The following ENDOU variants were observed in gnomAD, a reference collection of about 807,000 sequenced individuals.
ENDOU encodes endonuclease, poly(U) specific, also known as uridylate-specific endoribonuclease.
A neutral mutation model predicts 54.2 loss-of-function variants in ENDOU; 49 were observed. The observed-to-expected ratio is 0.90, with a 90% CI of 0.72 to 1.15. The LOEUF is 1.15. Ranked by LOEUF, ENDOU falls within the 50% of genes most tolerant of loss-of-function variation. ENDOU has a pLI of 0.00. For synonymous variants in ENDOU, 172 were observed against 190.5 expected, an observed-to-expected ratio of 0.90 and a Z score of 0.80; for missense variants, 458 against 511.4, an observed-to-expected ratio of 0.90 and a Z score of 1.01.
At chr12:47,717,171 AG>A (rs895848322) in intron 4 of ENDOU, 113 bp from the exon 5 acceptor site, 6 of 817,064 alleles carry the variant, frequency 7.3e-6, no homozygotes, top group African/African-American at 6.8e-5. Context: ...GCAAGGAGGG[AG>A]GGGGGCCACA....
intron 1 of ENDOU, among the ~76,000 whole-genome samples, chr12:47,721,964 G>A (rs1405652469): frequency 6.6e-6 from 1 of 152,206 alleles, no homozygotes; most frequent in African/African-American, 2.4e-5. Context: ...CAGGGTTGGG[G>A]TTAGTTAGGT....
chr12:47,725,420 C>G lies in ENDOU; in HGVS notation c.-7G>C. ...GGGAGATGCAGGCCCTCATGGTGCC[C>G]AGTTGGAGGCCAAAAAGGGAGTGGC... On this transcript the variant is annotated 5_prime_UTR_variant, in exon 1 of 10. Coordinates refer to ENST00000422538, the MANE Select transcript of ENDOU (RefSeq NM_001172439.2). 1 of 1,614,024 alleles carries G rather than the reference C, an allele frequency of 6.2e-7. No individual in the cohort carries two copies.
intron 1 of ENDOU, among the ~76,000 whole-genome samples, chr12:47,722,498 G>C (rs907594749): frequency 1.3e-5 from 2 of 152,194 alleles, no homozygotes; most frequent in Non-Finnish European, 2.9e-5. Context: ...AAAGCACTTA[G>C]GACAGCAAGT....
chr12:47,722,852 C>T (rs1940476169), intron 1 of ENDOU, among the ~76,000 whole-genome samples: 1 of 152,202 alleles, frequency 6.6e-6, no homozygotes, highest in Admixed American at 6.5e-5. Flanking sequence ...GGTTTCCAGT[C>T]CCTAAAAGAG....
At chr12:47,713,163 C>T in intron 7 of ENDOU, 112 bp downstream of exon 7, 1 of 764,300 alleles carries the variant, frequency 1.3e-6, no homozygotes, top group Non-Finnish European at 2.3e-6. Context: ...GGGTCCCTCC[C>T]TACTAGCTGG....
chr12:47,713,395 A>C lies in ENDOU; in HGVS notation c.752-7T>G, dbSNP rs771154349. ...TGCTCTGAGCCATAGCGATCTGCAG[A>C]GGAACACAAAGGGTTTTGGAGAGGG... On this transcript the variant is annotated splice_polypyrimidine_tract_variant and splice_region_variant and intron_variant, in intron 6 of 9. Coordinates refer to ENST00000422538, the MANE Select transcript of ENDOU (RefSeq NM_001172439.2). 5.0e-5 allele frequency: 81 copies of C among 1,608,066 alleles called. No homozygotes were observed. The highest frequency in any genetic ancestry group is 6.8e-5 in the Non-Finnish European group (80 of 1,174,670).
rs1038262344 is a variant in ENDOU, at chr12:47,720,734, G to C, written c.178+19C>G. ...CCTTAGACAGGCTGGACATGCCTTC[G>C]TCTCACAAGGAGGCTCACCAGTACA... On this transcript the variant is annotated intron_variant, in intron 2 of 9. Coordinates refer to ENST00000422538, the MANE Select transcript of ENDOU (RefSeq NM_001172439.2). 1 of 1,535,292 alleles carries C rather than the reference G, an allele frequency of 6.5e-7. No homozygotes were observed. The highest frequency in any genetic ancestry group is 8.7e-7 in the Non-Finnish European group (1 of 1,146,514).
intron 5 of ENDOU, 30 bp downstream of exon 5, chr12:47,716,860 G>T (rs187595330): frequency 1.9e-6 from 3 of 1,611,568 alleles, no homozygotes; most frequent in Non-Finnish European, 2.5e-6. Context: ...CAAGATTTAG[G>T]GGGTAGAAAG....
chr12:47,718,271 C>T (rs535704998), intron 2 of ENDOU, 77 bp from the exon 3 acceptor site: 7 of 1,383,930 alleles, frequency 5.1e-6, no homozygotes, highest in South Asian at 5.0e-5. Context: ...TCTCTGTTTC[C>T]CCAGCCTCAG....
Position 47,710,169 on chromosome 12 carries a change from C to G in ENDOU, c.*633G>C, listed in dbSNP as rs1939933707. Reference sequence around the variant, plus strand: ...CACTGCACCAACCTATTACCCTTCTCCATTCAGCATTGGAGTTCTCCCAGA... The same window carrying G: ...CACTGCACCAACCTATTACCCTTCTGCATTCAGCATTGGAGTTCTCCCAGA... On this transcript the variant is annotated 3_prime_UTR_variant, in exon 10 of 10. Transcript: ENST00000422538. The G allele has an allele frequency of 6.6e-6, 1 of 152,260 alleles. No homozygotes were observed. The highest frequency in any genetic ancestry group is 1.5e-5 in the Non-Finnish European group (1 of 68,104). The allele number at this position is 152,260 out of a possible 1,614,324, so 9.4% of individuals were successfully genotyped here.
rs919250116 is a variant in ENDOU, at chr12:47,718,053, A to G, written c.244+76T>C. ...GAGGCCTGGGCCTGGTGCCACTGCC[A>G]TGGCCGCCCCTGCTTGTCACCCTCA... On this transcript the variant is annotated intron_variant, in intron 3 of 9. Transcript: ENST00000422538. The G allele has an allele frequency of 1.4e-5, 18 of 1,313,036 alleles. No homozygotes were observed. In the South Asian group the frequency reaches 1.6e-4, roughly 12 times the overall value. The allele number at this position is 1,313,036 out of a possible 1,614,324, so 81.3% of individuals were successfully genotyped here.
Position 47,711,630 on chromosome 12 carries a change from T to C in ENDOU, c.1115+3A>G, listed in dbSNP as rs1236015942. 2.5e-6 allele frequency: 4 copies of C among 1,612,920 alleles called. No homozygotes were observed. The highest frequency in any genetic ancestry group is 3.4e-6 in the Non-Finnish European group (4 of 1,179,692). On this transcript the variant is annotated splice_donor_region_variant and intron_variant, in intron 9 of 9. Coordinates refer to ENST00000422538, the MANE Select transcript of ENDOU (RefSeq NM_001172439.2). ...CCCCAGGCCTGGCTGGCCCCATTCT[T>C]ACACTTTGCCTGGCCTGGCGATGAA...
chr12:47,712,756 A>T, intron 7 of ENDOU, 134 bp from the exon 8 acceptor site: 3 of 655,982 alleles, frequency 4.6e-6, no homozygotes, highest in Non-Finnish European at 5.3e-6. Flanking sequence ...CCTTGCTGTG[A>T]GTCCCCAGAG....
chr12:47,724,023 C>T (rs1162955833), intron 1 of ENDOU, among the ~76,000 whole-genome samples: 1 of 152,188 alleles, frequency 6.6e-6, no homozygotes, highest in Admixed American at 6.5e-5. Context: ...ACCTCACTTC[C>T]CCATCGATCC....
intron 9 of ENDOU, 25 bp downstream of exon 9, chr12:47,711,608 C>A: frequency 6.2e-7 from 1 of 1,608,386 alleles, no homozygotes; most frequent in Non-Finnish European, 8.5e-7. Flanking sequence ...AGTCTGCCCC[C>A]AGGCCTGGCT....
chr12:47,713,458 C>T, intron 6 of ENDOU, 70 bp from the exon 7 acceptor site: 1 of 990,974 alleles, frequency 1.0e-6, no homozygotes, highest in African/African-American at 1.6e-5. Context: ...AAACAGAGAC[C>T]TGAAGAGCTA....
At chr12:47,712,693 C>T (rs1940074558) in intron 7 of ENDOU, 71 bp from the exon 8 acceptor site, 3 of 1,174,066 alleles carry the variant, frequency 2.6e-6, no homozygotes, top group African/African-American at 1.5e-5. Flanking sequence ...CCTTTCTCCA[C>T]CCCATGCCAA....
intron 2 of ENDOU, chr12:47,719,822 G>A (rs933559972): frequency 2.0e-5 from 3 of 152,126 alleles, no homozygotes; most frequent in South Asian, 2.1e-4. Flanking sequence ...GCTTCCATAC[G>A]AGTGGAAGCA....
chr12:47,720,654 G>T, intron 2 of ENDOU, 99 bp downstream of exon 2: 2 of 1,321,678 alleles, frequency 1.5e-6, no homozygotes, highest in African/African-American at 1.5e-5. Flanking sequence ...GACCCTTAGA[G>T]CCCCTGTGAG....
Sources: allele counts gnomAD v4.1 joint callset (sites outside exome capture counted in the v4.1 genomes callset), GRCh38; gene constraint gnomAD v4.1.1; transcripts MANE v1.5; gene names NCBI Gene and HGNC (gene_info 2026-07-23, HGNC 2026-07-21).